SEPSECS: variants seen among roughly 807,000 people sequenced by gnomAD.
SEPSECS encodes the protein O-phosphoseryl-tRNA(Sec) selenium transferase.
Under a neutral mutation model 52.1 loss-of-function variants are expected in SEPSECS, and 42 were observed. The observed-to-expected ratio is 0.81, with a 90% CI of 0.63 to 1.04. The LOEUF is 1.04. Ranked by LOEUF, SEPSECS falls within the 50% of genes least tolerant of loss-of-function variation. The pLI is 0.00. For synonymous variants in SEPSECS, 216 were observed against 211.4 expected (o/e 1.02, Z -0.19); for missense variants, 590 against 610.6 (o/e 0.97, Z 0.36).
chr4:25,156,797 T>A (rs1312575827), intron 3 of SEPSECS, 59 bp downstream of exon 3: 1 of 815,668 alleles, frequency 1.2e-6, no homozygotes, highest in Non-Finnish European at 2.1e-6. Context: ...ATGAAATGAG[T>A]CAGTGGTGTG....
intron 2 of SEPSECS, among the ~76,000 whole-genome samples, chr4:25,157,605 C>A (rs1421008267): frequency 1.3e-5 from 2 of 148,590 alleles, no homozygotes. Flanking sequence ...AGTGCAGTGG[C>A]GCGATCTCGG....
rs569847678 is a variant in SEPSECS, at chr4:25,128,951, C to T, written c.1027-1594G>A. 6.6e-5 allele frequency among the ~76,000 whole-genome samples: 10 copies of T among 152,234 alleles called. No homozygotes were observed. The East Asian group carries it at 1.7e-3, about 26-fold the overall frequency. ...TTAGGTAAAGATTAAGAGGAAAATTCCTACTAGGTTTATGAATTATTAATG... is the reference window on the plus strand; with the variant it reads ...TTAGGTAAAGATTAAGAGGAAAATTTCTACTAGGTTTATGAATTATTAATG... On this transcript the variant is annotated intron_variant, in intron 8 of 10. Coordinates refer to ENST00000382103, the MANE Select transcript of SEPSECS (RefSeq NM_016955.4).
At chr4:25,134,176 C>T (rs1018073164) in intron 8 of SEPSECS, among the ~76,000 whole-genome samples, 3 of 134,868 alleles carry the variant, frequency 2.2e-5, no homozygotes, top group Non-Finnish European at 3.2e-5. Context: ...CAATGGAAAT[C>T]GGTATCAAAA....
At chr4:25,150,577 T>TAA (rs369829370) in intron 6 of SEPSECS, among the ~76,000 whole-genome samples, 1 of 147,340 alleles carries the variant, frequency 6.8e-6, no homozygotes, top group Non-Finnish European at 1.5e-5. Flanking sequence ...TGTCACTACG[T>TAA]AAAAAAAAAA....
At position 25,156,850 on chromosome 4, in the gene SEPSECS, A is replaced by G; in HGVS notation, c.388+6T>C. 7.0e-7 allele frequency: 1 copy of G among 1,433,426 alleles called. No individual in the cohort carries two copies. The highest frequency in any genetic ancestry group is 9.8e-7 in the Non-Finnish European group (1 of 1,015,316). The allele number at this position is 1,433,426 out of a possible 1,614,324, so 88.8% of individuals were successfully genotyped here. A position where few individuals can be genotyped will look rare whatever the true frequency, so the allele number is the denominator to read the frequency against. The stretch of plus-strand genomic sequence containing the variant: ...CCAAAAGCATTATGATTAAGACGGT[A>G]CATACCAGCCAGCTTTATAATGTCC... On this transcript the variant is annotated splice_donor_region_variant and intron_variant, in intron 3 of 10. Transcript: ENST00000382103.
intron 9 of SEPSECS, among the ~76,000 whole-genome samples, chr4:25,126,665 C>T (rs893482348): frequency 3.3e-5 from 5 of 152,138 alleles, no homozygotes; most frequent in African/African-American, 1.2e-4. Context: ...GATAAAAACA[C>T]AGTCCTTATA....
At chr4:25,127,180 G>GAGTTTTCTCTCCTTCTAGAAGTATC in intron 9 of SEPSECS, 84 bp downstream of exon 9, 1 of 811,960 alleles carries the variant, frequency 1.2e-6, no homozygotes, top group Non-Finnish European at 2.1e-6. Context: ...TAACTAGAAA[G>GAGTTTTCTCTCCTTCTAGAAGTATC]AGTTTTCTCT....
At position 25,121,887 on chromosome 4, in the gene SEPSECS, T is replaced by C. The variant is rs548696687; in HGVS notation, c.*2044A>G. On this transcript the variant is annotated 3_prime_UTR_variant, in exon 11 of 11. Transcript: ENST00000382103. ...CTGCAGATGAGAAAACATTTGCTAC[T>C]CTCCCAGCTCTGGCCTTTCTTAAGC... 5 of 152,306 alleles carry C rather than the reference T, an allele frequency of 3.3e-5. No homozygotes were observed. In the East Asian group the frequency reaches 7.7e-4, roughly 23 times the overall value. The allele number at this position is 152,306 out of a possible 1,614,324, so 9.4% of individuals were successfully genotyped here. A position where few individuals can be genotyped will look rare whatever the true frequency, so the allele number is the denominator to read the frequency against.
At chr4:25,158,298 T>G (rs1712811290) in intron 2 of SEPSECS, among the ~76,000 whole-genome samples, 1 of 152,222 alleles carries the variant, frequency 6.6e-6, no homozygotes, top group Non-Finnish European at 1.5e-5. Flanking sequence ...CATTATAATG[T>G]AAAAGCATGG....
intron 8 of SEPSECS, among the ~76,000 whole-genome samples, chr4:25,135,947 A>C (rs1039237810): frequency 2.6e-5 from 4 of 152,238 alleles, no homozygotes; most frequent in African/African-American, 4.8e-5. Flanking sequence ...AACTAAAGAC[A>C]AAAACCACAT....
In SEPSECS at chr4:25,144,767, A is replaced by G; in HGVS notation, c.1026+7T>C. Reference sequence around the variant, plus strand: ...AATGTTATTCGACACCTAAAGGGAAAGCTTACCTTTCTTTCTTTTAGTAGC... The same window carrying G: ...AATGTTATTCGACACCTAAAGGGAAGGCTTACCTTTCTTTCTTTTAGTAGC... On this transcript the variant is annotated splice_region_variant and intron_variant, in intron 8 of 10. Transcript: ENST00000382103. 6.3e-7 allele frequency: 1 copy of G among 1,585,718 alleles called. No individual in the cohort carries two copies. The highest frequency in any genetic ancestry group is 1.1e-5 in the South Asian group (1 of 90,420).
chr4:25,159,903 T>C, intron 1 of SEPSECS: 1 of 1,177,652 alleles, frequency 8.5e-7, no homozygotes, highest in Non-Finnish European at 1.1e-6. Context: ...CATTATGTGT[T>C]CTGAGTCGTT....
chr4:25,131,352 G>A (rs1270580298), intron 8 of SEPSECS, among the ~76,000 whole-genome samples: 4 of 152,132 alleles, frequency 2.6e-5, no homozygotes, highest in African/African-American at 7.2e-5. Context: ...GTTTCAGAAG[G>A]CAGGTAATAA....
chr4:25,141,235 C>T (rs1370445918), intron 8 of SEPSECS, among the ~76,000 whole-genome samples: 1 of 152,128 alleles, frequency 6.6e-6, no homozygotes, highest in Non-Finnish European at 1.5e-5. Context: ...TGTTGCTTTT[C>T]TCAGACCTCT....
chr4:25,146,008 G>A (rs920447811), intron 6 of SEPSECS, among the ~76,000 whole-genome samples: 8 of 151,976 alleles, frequency 5.3e-5, no homozygotes, highest in African/African-American at 1.2e-4. Context: ...CTAATATTCC[G>A]GTGAAAAATT....
At position 25,122,101 on chromosome 4, in the gene SEPSECS, A is replaced by G. The variant is rs914276615; in HGVS notation, c.*1830T>C. 1 of 152,158 alleles carries G rather than the reference A, an allele frequency of 6.6e-6. No homozygotes were observed. The highest frequency in any genetic ancestry group is 1.5e-5 in the Non-Finnish European group (1 of 68,004). The allele number at this position is 152,158 out of a possible 1,614,324, so 9.4% of individuals were successfully genotyped here. On this transcript the variant is annotated 3_prime_UTR_variant, in exon 11 of 11. Transcript: ENST00000382103. ...TCCCAAATTCTCATGAAAAATTTAC[A>G]CTTTTTAATCCAGCATTTATTCCCT...
chr4:25,157,465 T>C (rs1712742127), intron 2 of SEPSECS, among the ~76,000 whole-genome samples: 1 of 152,208 alleles, frequency 6.6e-6, no homozygotes, highest in Non-Finnish European at 1.5e-5. Context: ...ACAATAAATG[T>C]TTTAAGCCAC....
Position 25,159,044 on chromosome 4 carries a change from T to C in SEPSECS, c.178A>G (p.Ile60Val), listed in dbSNP as rs780793316. The change falls in exon 2 of 11, where the codon ATC becomes GTC. Residue 60 changes from isoleucine to valine, a missense_variant. By Grantham distance (29) the Ile-to-Val change is conservative. Coordinates refer to ENST00000382103, the MANE Select transcript of SEPSECS (RefSeq NM_016955.4). ...TLELFLHELA[I>V]MDSNNFLGNC... is the part of the protein sequence containing the mutation. ...CCTAAGAAATTGTTGCTGTCCATGA[T>C]TGCAAGTTCATGTAAAAAGAGTTCA... 1.2e-6 allele frequency: 2 copies of C among 1,613,598 alleles called. No homozygotes were observed. The highest frequency in any genetic ancestry group is 1.7e-5 in the Admixed American group (1 of 59,996).
Position 25,123,074 on chromosome 4 carries a change from T to C in SEPSECS, c.*857A>G, listed in dbSNP as rs1728195475. On this transcript the variant is annotated 3_prime_UTR_variant, in exon 11 of 11. Transcript: ENST00000382103. The stretch of plus-strand genomic sequence containing the variant: ...AGTGAGCACCATATAAAACAATTTA[T>C]AATGACATGTTTGGAATCCGTGACC... The C allele has an allele frequency of 6.6e-6, 1 of 152,154 alleles. No individual in the cohort carries two copies. Among genetic ancestry groups the C allele is most frequent in the Non-Finnish European group, 1.5e-5 (1 of 68,010 alleles). 9.4% of individuals were successfully genotyped at this position (152,154 alleles called of 1,614,324 possible). A position where few individuals can be genotyped will look rare whatever the true frequency, so the allele number is the denominator to read the frequency against.
Sources: allele counts gnomAD v4.1 joint callset (sites outside exome capture counted in the v4.1 genomes callset), GRCh38; gene constraint gnomAD v4.1.1; transcripts MANE v1.5; gene names NCBI Gene and HGNC (gene_info 2026-07-23, HGNC 2026-07-21).